The following NELL2 variants were observed in gnomAD, a reference collection of about 807,000 sequenced individuals.
NELL2 encodes protein kinase C-binding protein NELL2.
In NELL2, 41 loss-of-function variants were observed where a neutral mutation model predicts 109.6. That is an observed-to-expected ratio of 0.37 (90% CI 0.29 to 0.49). The LOEUF (loss-of-function observed/expected upper bound fraction) is 0.49. Among genes scored for constraint, NELL2 ranks in the 20% least tolerant of loss-of-function variants. NELL2 has a pLI of 0.98. For missense variants in NELL2, 900 were observed against 1,008.3 expected, an observed-to-expected ratio of 0.89 and a Z score of 1.45; for synonymous variants, 355 against 344.7, an observed-to-expected ratio of 1.03 and a Z score of -0.33.
intron 2 of NELL2, among the ~76,000 whole-genome samples, chr12:44,867,736 C>T (rs1474136276): frequency 1.3e-5 from 2 of 152,188 alleles, no homozygotes; most frequent in Middle Eastern, 3.4e-3. Flanking sequence ...CCTGAAGATG[C>T]CACCAAAAAA....
intron 15 of NELL2, among the ~76,000 whole-genome samples, chr12:44,576,739 C>G (rs1427722777): frequency 6.6e-6 from 1 of 152,156 alleles, no homozygotes; most frequent in African/African-American, 2.4e-5. Flanking sequence ...TGTTCCCCTT[C>G]CTGTGTCCAT....
chr12:44,564,610 T>C (rs372088297), intron 15 of NELL2, among the ~76,000 whole-genome samples: 13 of 152,208 alleles, frequency 8.5e-5, no homozygotes, highest in African/African-American at 3.1e-4. Context: ...CACACACACA[T>C]ACAAACATGT....
intron 2 of NELL2, among the ~76,000 whole-genome samples, chr12:44,860,854 C>A (rs1391424258): frequency 1.3e-5 from 2 of 152,180 alleles, no homozygotes; most frequent in Admixed American, 1.3e-4. Context: ...TCTCCTGACC[C>A]CCAAAGATTC....
chr12:44,901,803 C>A (rs1260313767), intron 1 of NELL2, among the ~76,000 whole-genome samples: 2 of 152,176 alleles, frequency 1.3e-5, no homozygotes, highest in African/African-American at 2.4e-5. Flanking sequence ...ACAAAAACCA[C>A]ATGATTATCT....
chr12:44,773,337 G>T (rs745849825), intron 9 of NELL2, among the ~76,000 whole-genome samples: 2 of 152,078 alleles, frequency 1.3e-5, no homozygotes, highest in East Asian at 3.9e-4. Context: ...TTAGCCCGGC[G>T]TAGTGGCAGG....
intron 13 of NELL2, among the ~76,000 whole-genome samples, chr12:44,612,251 A>G (rs1428287077): frequency 3.9e-5 from 6 of 152,058 alleles, no homozygotes; most frequent in Non-Finnish European, 8.8e-5. Flanking sequence ...TTCATTTAAA[A>G]AAATAAAAAT....
At chr12:44,597,072 T>C (rs528383580) in intron 15 of NELL2, among the ~76,000 whole-genome samples, 3 of 152,298 alleles carry the variant, frequency 2.0e-5, no homozygotes, top group East Asian at 3.9e-4. Flanking sequence ...TGATTGAACA[T>C]GCAGGGTGAT....
At chr12:44,575,535 G>T (rs796134127) in intron 15 of NELL2, among the ~76,000 whole-genome samples, 9 of 152,276 alleles carry the variant, frequency 5.9e-5, no homozygotes, top group African/African-American at 1.9e-4. Context: ...TCAGTCTTTG[G>T]TCTTGCCTTT....
At chr12:44,703,919 T>A in intron 11 of NELL2, 65 bp from the exon 12 acceptor site, 1 of 1,402,462 alleles carries the variant, frequency 7.1e-7, no homozygotes. Flanking sequence ...TTTTCCTACT[T>A]AATATTTTCT....
At chr12:44,539,216 C>T (rs1421755296) in intron 15 of NELL2, among the ~76,000 whole-genome samples, 1 of 152,064 alleles carries the variant, frequency 6.6e-6, no homozygotes, top group Non-Finnish European at 1.5e-5. Flanking sequence ...AATTTTAATT[C>T]AGGAGAAATT....
chr12:44,619,354 A>C (rs1373116237), intron 13 of NELL2, among the ~76,000 whole-genome samples: 3 of 152,158 alleles, frequency 2.0e-5, no homozygotes, highest in Non-Finnish European at 4.4e-5. Context: ...GTAGGCAATA[A>C]ATAGCTGCTT....
At chr12:44,754,706 C>A (rs564459439) in intron 9 of NELL2, among the ~76,000 whole-genome samples, 2 of 152,212 alleles carry the variant, frequency 1.3e-5, no homozygotes, top group South Asian at 2.1e-4. Context: ...ATAAGAGAAA[C>A]CCTGAGTAAC....
chr12:44,797,322 T>A (rs1942659094), intron 3 of NELL2, among the ~76,000 whole-genome samples: 1 of 152,102 alleles, frequency 6.6e-6, no homozygotes, highest in Admixed American at 6.6e-5. Context: ...GATGGTCATA[T>A]CATAAAAGCA....
At chr12:44,875,474 G>A (rs1945288805) in intron 1 of NELL2, 121 bp from the exon 2 acceptor site, 1 of 1,613,948 alleles carries the variant, frequency 6.2e-7, no homozygotes, top group Non-Finnish European at 8.5e-7. Context: ...GAAGATGAGA[G>A]GCGACTGCCT....
chr12:44,874,608 C>A (rs1194976152), intron 2 of NELL2, among the ~76,000 whole-genome samples: 5 of 152,190 alleles, frequency 3.3e-5, no homozygotes, highest in African/African-American at 1.2e-4. Flanking sequence ...ATGAGATACA[C>A]TTCTAGATTA....
intron 1 of NELL2, among the ~76,000 whole-genome samples, chr12:44,884,600 G>A (rs1052394667): frequency 1.6e-4 from 25 of 151,716 alleles, no homozygotes; most frequent in Non-Finnish European, 3.4e-4. Flanking sequence ...AATAAAACTA[G>A]AACATAGACT....
chr12:44,772,980 A>G (rs1483442968), intron 9 of NELL2, among the ~76,000 whole-genome samples: 1 of 152,248 alleles, frequency 6.6e-6, no homozygotes, highest in Non-Finnish European at 1.5e-5. Context: ...GAATTCAAGC[A>G]TTAGTCCGAT....
intron 15 of NELL2, among the ~76,000 whole-genome samples, chr12:44,567,159 CA>C (rs763929872): frequency 1.2e-4 from 18 of 152,250 alleles, no homozygotes; most frequent in East Asian, 1.2e-3. Context: ...TAGTGAAACA[CA>C]AAAACTCTAT....
chr12:44,566,281 G>A (rs1282296082), intron 15 of NELL2, among the ~76,000 whole-genome samples: 1 of 152,092 alleles, frequency 6.6e-6, no homozygotes, highest in Non-Finnish European at 1.5e-5. Flanking sequence ...GATGCCTATT[G>A]TAGAGATTAC....
Sources: gnomAD v4.1 joint callset for allele counts (sites outside exome capture counted in the v4.1 genomes callset) on GRCh38, gnomAD v4.1.1 for gene constraint, MANE v1.5 for transcripts, NCBI Gene and HGNC (gene_info 2026-07-23, HGNC 2026-07-21) for gene names.